Variants in CNKSR2 observed in about 807,000 individuals in gnomAD.
The protein encoded by CNKSR2 is connector enhancer of kinase suppressor of Ras 2.
Under a neutral mutation model 84.4 loss-of-function variants are expected in CNKSR2, and 14 were observed. That is an observed-to-expected ratio of 0.17 (90% confidence interval 0.11 to 0.26). The LOEUF (loss-of-function observed/expected upper bound fraction) is 0.26. CNKSR2 is among the 10% of genes least tolerant of loss of function. The pLI is 1.00. For missense variants in CNKSR2, 485 were observed against 771.2 expected, an observed-to-expected ratio of 0.63 and a Z score of 4.40; for synonymous variants, 275 against 277.9, an observed-to-expected ratio of 0.99 and a Z score of 0.10.
intron 1 of CNKSR2, among the ~76,000 whole-genome samples, chrX:21,407,332 T>C (rs1006664697): frequency 6.3e-5 from 7 of 111,536 alleles, no homozygotes; most frequent in African/African-American, 2.3e-4. Flanking sequence ...GGTTGGAATA[T>C]ACTCTATGTG....
intron 6 of CNKSR2, chrX:21,491,383 A>G (rs2091440961): frequency 8.9e-6 from 1 of 112,183 alleles, no homozygotes; most frequent in African/African-American, 3.2e-5. Context: ...ATTTTGGAAA[A>G]TAGAAATCTT....
At chrX:21,474,367 A>G (rs2091237928) in intron 5 of CNKSR2, among the ~76,000 whole-genome samples, 1 of 111,780 alleles carries the variant, frequency 8.9e-6, no homozygotes, top group African/African-American at 3.3e-5. Flanking sequence ...AAGGAGAATC[A>G]ATATGGGTTC....
chrX:21,619,857 TAAAAAA>T (rs1277410013), intron 20 of CNKSR2, among the ~76,000 whole-genome samples: 4 of 110,831 alleles, frequency 3.6e-5, no homozygotes, highest in African/African-American at 1.3e-4. Flanking sequence ...TGCCTTTTCT[TAAAAAA>T]AGAAAAGAAA....
intron 20 of CNKSR2, among the ~76,000 whole-genome samples, chrX:21,622,296 A>G (rs2092605157): frequency 9.0e-6 from 1 of 110,778 alleles, no homozygotes; most frequent in Non-Finnish European, 1.9e-5. Context: ...TCTTCTTACA[A>G]ACAATTGGTA....
chrX:21,524,961 G>A (rs1275160144), intron 9 of CNKSR2, among the ~76,000 whole-genome samples: 1 of 110,886 alleles, frequency 9.0e-6, no homozygotes, highest in African/African-American at 3.3e-5. Flanking sequence ...TCAAAGAATT[G>A]GAGAATAATA....
intron 8 of CNKSR2, chrX:21,506,629 A>G (rs1188043373): frequency 9.0e-6 from 1 of 111,696 alleles, no homozygotes; most frequent in African/African-American, 3.2e-5. Context: ...AAGGAGATAA[A>G]TTGTATGATA....
At chrX:21,432,966 T>A in intron 3 of CNKSR2, 152 bp downstream of exon 3, 2 of 485,295 alleles carry the variant, frequency 4.1e-6, no homozygotes, top group Non-Finnish European at 6.5e-6. Flanking sequence ...ATAGGGGTAT[T>A]AAATAGATAT....
intron 13 of CNKSR2, among the ~76,000 whole-genome samples, chrX:21,571,946 G>A (rs888831892): frequency 6.3e-5 from 7 of 111,707 alleles, no homozygotes; most frequent in Non-Finnish European, 1.3e-4. Context: ...ATTTCTCTCC[G>A]TTTTGACTTT....
intron 4 of CNKSR2, among the ~76,000 whole-genome samples, chrX:21,459,164 A>T (rs2091030279): frequency 9.1e-6 from 1 of 109,413 alleles, no homozygotes; most frequent in Admixed American, 9.8e-5. Context: ...CTGGGATTAC[A>T]GGTGTGCACT....
intron 4 of CNKSR2, among the ~76,000 whole-genome samples, chrX:21,468,170 G>A (rs905098896): frequency 3.6e-5 from 4 of 110,178 alleles, no homozygotes; most frequent in African/African-American, 1.3e-4. Flanking sequence ...TAAGTCAGGG[G>A]CCATGTTTTA....
At chrX:21,616,353 G>C (rs1014543840) in intron 20 of CNKSR2, among the ~76,000 whole-genome samples, 8 of 111,865 alleles carry the variant, frequency 7.2e-5, no homozygotes, top group African/African-American at 2.3e-4. Flanking sequence ...TTGAAAGAAT[G>C]AATGAGTGAA....
intron 5 of CNKSR2, among the ~76,000 whole-genome samples, chrX:21,472,586 T>C (rs1047869633): frequency 8.9e-6 from 1 of 112,183 alleles, no homozygotes; most frequent in African/African-American, 3.2e-5. Context: ...ATGTATGGTA[T>C]ATATTTTTAC....
intron 3 of CNKSR2, among the ~76,000 whole-genome samples, chrX:21,438,806 CAT>C (rs1438497665): frequency 2.7e-5 from 3 of 110,831 alleles, no homozygotes; most frequent in East Asian, 2.8e-4. Context: ...CATATATTAA[CAT>C]ATGTGAATAT....
intron 1 of CNKSR2, among the ~76,000 whole-genome samples, chrX:21,396,596 C>T (rs2090125182): frequency 9.0e-6 from 1 of 111,271 alleles, no homozygotes; most frequent in Non-Finnish European, 1.9e-5. Context: ...AACACATCAT[C>T]ATTTAAAACA....
intron 3 of CNKSR2, among the ~76,000 whole-genome samples, chrX:21,437,974 T>A (rs1461720383): frequency 8.9e-6 from 1 of 111,850 alleles, no homozygotes; most frequent in Non-Finnish European, 1.9e-5. Context: ...GTTTTTTAAA[T>A]TCTTATGTCT....
At chrX:21,453,421 T>C (rs1264148309) in intron 4 of CNKSR2, among the ~76,000 whole-genome samples, 2 of 111,912 alleles carry the variant, frequency 1.8e-5, no homozygotes, top group African/African-American at 6.5e-5. Flanking sequence ...AAGTTTGATA[T>C]AGTAGTCATA....
intron 2 of CNKSR2, among the ~76,000 whole-genome samples, chrX:21,430,634 G>T (rs977763356): frequency 1.8e-5 from 2 of 111,923 alleles, no homozygotes; most frequent in Non-Finnish European, 3.8e-5. Flanking sequence ...TTAGAAAAAT[G>T]CTTTAACACA....
chrX:21,654,286 A>C lies in CNKSR2; in HGVS notation c.*1765A>C, dbSNP rs1602079287. 2 of 106,614 alleles carry C rather than the reference A, an allele frequency of 1.9e-5. No homozygotes were observed. Among genetic ancestry groups the C allele is most frequent in the South Asian group, 8.2e-4 (2 of 2,430 alleles). 8.8% of individuals were successfully genotyped at this position (106,614 alleles called of 1,213,427 possible). A position where few individuals can be genotyped will look rare whatever the true frequency, so the allele number is the denominator to read the frequency against. On this transcript the variant is annotated 3_prime_UTR_variant, in exon 22 of 22. Transcript: ENST00000379510. Reference sequence around the variant, plus strand: ...TTTTGTATATGTAAAAAAAAAAAAAAAAAAAAAACAAAAAACCTCTTGTCC... The same window carrying C: ...TTTTGTATATGTAAAAAAAAAAAAACAAAAAAAACAAAAAACCTCTTGTCC...
At chrX:21,563,940 T>C (rs1260038544) in intron 13 of CNKSR2, among the ~76,000 whole-genome samples, 3 of 110,230 alleles carry the variant, frequency 2.7e-5, no homozygotes, top group Non-Finnish European at 5.7e-5. Context: ...TTGTGATGGG[T>C]GGGTGCAGAA....
Sources: allele counts gnomAD v4.1 joint callset (sites outside exome capture counted in the v4.1 genomes callset), GRCh38; gene constraint gnomAD v4.1.1; transcripts MANE v1.5; gene names NCBI Gene and HGNC (gene_info 2026-07-23, HGNC 2026-07-21).